SYCP2: variants seen among roughly 807,000 people sequenced by gnomAD.
SYCP2 encodes the protein synaptonemal complex lateral element protein.
SYCP2 carries 55 observed loss-of-function variants against 211.3 expected under a neutral mutation model. That is an observed-to-expected ratio of 0.26 (90% CI 0.21 to 0.33). The LOEUF is 0.33. Ranked by LOEUF, SYCP2 falls within the 10% of genes least tolerant of loss-of-function variation. The pLI, the probability that SYCP2 is intolerant of heterozygous loss-of-function variation, is 1.00. For missense variants in SYCP2, 1,731 were observed against 1,752.0 expected (o/e 0.99, Z 0.21); for synonymous variants, 570 against 555.2 (o/e 1.03, Z -0.37).
chr20:59,869,011 A>G (rs1272983677), intron 36 of SYCP2, 86 bp from the exon 37 acceptor site: 6 of 824,256 alleles, frequency 7.3e-6, no homozygotes, highest in East Asian at 2.7e-5. Flanking sequence ...CCAAAAACCA[A>G]TAATTTTAAA....
chr20:59,910,438 T>C (rs946890232), intron 14 of SYCP2, among the ~76,000 whole-genome samples: 1 of 136,946 alleles, frequency 7.3e-6, no homozygotes, highest in Non-Finnish European at 1.5e-5. Context: ...TGGAGTGCAG[T>C]GGCCCGATCT....
At chr20:59,910,371 C>CTTTTTTT (rs1300245848) in intron 14 of SYCP2, among the ~76,000 whole-genome samples, 8 of 119,212 alleles carry the variant, frequency 6.7e-5, no homozygotes, top group African/African-American at 2.0e-4. Flanking sequence ...AGTGTAATTG[C>CTTTTTTT]TTATTTTTTT....
At chr20:59,890,607 TAG>T (rs1315354304) in intron 24 of SYCP2, among the ~76,000 whole-genome samples, 2 of 151,520 alleles carry the variant, frequency 1.3e-5, no homozygotes, top group African/African-American at 4.9e-5. Flanking sequence ...GGTAGGTAGG[TAG>T]AGACAGTGAT....
chr20:59,893,412 C>A, intron 21 of SYCP2, 112 bp downstream of exon 21: 1 of 812,902 alleles, frequency 1.2e-6, no homozygotes, highest in Non-Finnish European at 1.9e-6. Flanking sequence ...CAAACAAATT[C>A]TTTGTAAATC....
Position 59,892,015 on chromosome 20 carries a change from G to A in SYCP2, c.2339C>T (p.Ser780Phe), listed in dbSNP as rs756349763. ...AEKELTSELN[S>F]WDSKQKKMRE... Reference sequence around the variant, plus strand: ...CATTTTTTTTTGTTTCGAATCCCAGGAATTAAGCTCAGAAGTCAATTCTTT... The same window carrying A: ...CATTTTTTTTTGTTTCGAATCCCAGAAATTAAGCTCAGAAGTCAATTCTTT... Residue 780 changes from serine to phenylalanine, a missense_variant, in exon 24 of 45, where the codon TCC becomes TTC. Coordinates refer to ENST00000357552, the MANE Select transcript of SYCP2 (RefSeq NM_014258.4). 9 of 1,594,226 alleles carry A rather than the reference G, an allele frequency of 5.6e-6. No homozygotes were observed. The South Asian group carries it at 5.8e-5, about 10-fold the overall frequency.
intron 2 of SYCP2, among the ~76,000 whole-genome samples, chr20:59,928,892 C>CCA (rs1273940512): frequency 6.6e-6 from 1 of 151,910 alleles, no homozygotes; most frequent in African/African-American, 2.4e-5. Flanking sequence ...CTAAGATGTT[C>CCA]CAAGAGGAAA....
At chr20:59,879,057 C>T (rs568725730) in intron 31 of SYCP2, among the ~76,000 whole-genome samples, 14 of 152,120 alleles carry the variant, frequency 9.2e-5, no homozygotes, top group Admixed American at 7.9e-4. Flanking sequence ...CTAACATCTT[C>T]GTGAGATCTC....
rs2059392662 is a variant in SYCP2 at position 59,868,515 on chromosome 20, T to G, written c.3886A>C (p.Asn1296His). The change falls in exon 38 of 45, where the codon AAT becomes CAT. Residue 1296 changes from asparagine (N) to histidine (H), a missense_variant. This residue lies in a region of SYCP2 where 1,387 missense variants were observed against 1,351.3 expected (regional missense o/e 1.03). Transcript: ENST00000357552. ...TCTTCCATTTCTACTTCATTGGAAT[T>G]ACTTAGATTATCTTCTATATATATT... ...KRIYIEDNLSNSNEVEMEEKG... is the reference protein window; with the variant it reads ...KRIYIEDNLSHSNEVEMEEKG... 6.2e-7 allele frequency: 1 copy of G among 1,610,970 alleles called. No homozygotes were observed. Among genetic ancestry groups the G allele is most frequent in the African/African-American group, 1.3e-5 (1 of 74,750 alleles).
At chr20:59,922,298 T>G in intron 3 of SYCP2, 92 bp downstream of exon 3, 1 of 1,138,106 alleles carries the variant, frequency 8.8e-7, no homozygotes, top group Non-Finnish European at 1.2e-6. Context: ...GTAAGCTTTA[T>G]CATTGCTAAA....
At chr20:59,917,136 T>A (rs6092842) in intron 7 of SYCP2, among the ~76,000 whole-genome samples, 3,386 of 152,192 alleles carry the variant, frequency 0.022, 145 homozygotes, top group African/African-American at 0.074. Flanking sequence ...GTATTTATTT[T>A]TTTTTTTAGA....
chr20:59,872,771 A>G (rs2059478359), intron 35 of SYCP2, among the ~76,000 whole-genome samples: 1 of 152,086 alleles, frequency 6.6e-6, no homozygotes, highest in South Asian at 2.1e-4. Context: ...CACATTTTCT[A>G]GATCTGAATA....
intron 24 of SYCP2, 93 bp downstream of exon 24, chr20:59,891,897 A>C: frequency 9.2e-7 from 1 of 1,089,150 alleles, no homozygotes; most frequent in Non-Finnish European, 1.3e-6. Flanking sequence ...ACACATGTTA[A>C]ATGTGTAGCA....
rs1038812698 is a variant in SYCP2, at chr20:59,881,375, G to T, written c.2714+62C>A. 87 of 848,010 alleles carry T rather than the reference G, an allele frequency of 1.0e-4. No individual in the cohort carries two copies. In the African/African-American group the frequency reaches 1.4e-3, roughly 13 times the overall value. 52.5% of individuals were successfully genotyped at this position (848,010 alleles called of 1,614,324 possible). A position where few individuals can be genotyped will look rare whatever the true frequency, so the allele number is the denominator to read the frequency against. ...TCATTTGTTAAAAAACTCTAAGACT[G>T]GGAGGAGATATTTAAGAGAAAAAAA... On this transcript the variant is annotated intron_variant, in intron 29 of 44. Coordinates refer to ENST00000357552, the MANE Select transcript of SYCP2 (RefSeq NM_014258.4).
intron 2 of SYCP2, among the ~76,000 whole-genome samples, chr20:59,927,726 C>G (rs2060659813): frequency 6.6e-6 from 1 of 151,998 alleles, no homozygotes; most frequent in African/African-American, 2.4e-5. Context: ...CGGCCTCTCT[C>G]TATTTCTTTA....
intron 15 of SYCP2, among the ~76,000 whole-genome samples, chr20:59,903,087 T>C (rs913202373): frequency 2.0e-5 from 3 of 152,138 alleles, no homozygotes; most frequent in African/African-American, 7.2e-5. Flanking sequence ...GCTGAATGCT[T>C]TGTGCCTATT....
chr20:59,909,589 T>C (rs1300282820), intron 14 of SYCP2, among the ~76,000 whole-genome samples: 2 of 152,224 alleles, frequency 1.3e-5, no homozygotes, highest in Admixed American at 1.3e-4. Flanking sequence ...GACACATAGT[T>C]CTCAATAGAT....
At chr20:59,871,925 A>G (rs2059459765) in intron 35 of SYCP2, among the ~76,000 whole-genome samples, 1 of 151,992 alleles carries the variant, frequency 6.6e-6, no homozygotes, top group Non-Finnish European at 1.5e-5. Context: ...TGGAGGGCCA[A>G]CTATATTGAT....
Position 59,915,447 on chromosome 20 carries a change from A to G in SYCP2, c.599+18T>C, listed in dbSNP as rs189936587. 436 of 1,488,808 alleles carry G rather than the reference A, an allele frequency of 2.9e-4. 1 individual carries two copies. The African/African-American group carries it at 5.4e-3, about 18-fold the overall frequency. The allele number at this position is 1,488,808 out of a possible 1,614,324, so 92.2% of individuals were successfully genotyped here. On this transcript the variant is annotated intron_variant, in intron 9 of 44. Coordinates refer to ENST00000357552, the MANE Select transcript of SYCP2 (RefSeq NM_014258.4). ...TATGGATTTTAAGAATAAAAACCAT[A>G]TAAGTACAGATTATTACATGAGAAT... is the stretch of plus-strand genomic sequence containing the variant.
At chr20:59,880,772 C>T (rs939675631) in intron 30 of SYCP2, among the ~76,000 whole-genome samples, 194 bp downstream of exon 30, 1 of 151,552 alleles carries the variant, frequency 6.6e-6, no homozygotes, top group African/African-American at 2.4e-5. Flanking sequence ...ATTAAAAAAA[C>T]TAAACGTGGC....
Sources: gnomAD v4.1 joint callset for allele counts (sites outside exome capture counted in the v4.1 genomes callset) on GRCh38, gnomAD v4.1.1 for gene constraint, gnomAD v4.1.1 regional missense constraint, MANE v1.5 for transcripts, NCBI Gene and HGNC (gene_info 2026-07-23, HGNC 2026-07-21) for gene names.